The following ZNF423 variants were observed in gnomAD, a reference collection of about 807,000 sequenced individuals.
The protein encoded by ZNF423 is Ebf-associated zinc finger protein.
In ZNF423, 12 loss-of-function variants were observed where a neutral mutation model predicts 95.8. The ratio of observed to expected loss-of-function variants is 0.13; its 90% CI spans 0.08 to 0.20. The LOEUF (loss-of-function observed/expected upper bound fraction) is 0.20. Ranked by LOEUF, ZNF423 falls within the 10% of genes least tolerant of loss-of-function variation. The pLI is 1.00. For synonymous variants in ZNF423, 749 were observed against 711.9 expected, an observed-to-expected ratio of 1.05 and a Z score of -0.83; for missense variants, 1,316 against 1,737.1, an observed-to-expected ratio of 0.76 and a Z score of 4.31.
chr16:49,736,753 C>T (rs2033295979), intron 2 of ZNF423, among the ~76,000 whole-genome samples: 1 of 152,180 alleles, frequency 6.6e-6, no homozygotes. Flanking sequence ...CGTGTTCGCA[C>T]CACTGCACTC....
chr16:49,514,206 A>ACACG (rs1340945860), intron 7 of ZNF423, among the ~76,000 whole-genome samples: 1 of 54,146 alleles, frequency 1.8e-5, no homozygotes, highest in Non-Finnish European at 3.7e-5. Context: ...ACACACACAC[A>ACACG]CACACATGCA....
chr16:49,695,432 T>G (rs1000464566), intron 3 of ZNF423, among the ~76,000 whole-genome samples: 6 of 152,234 alleles, frequency 3.9e-5, no homozygotes, highest in African/African-American at 1.4e-4. Context: ...TAGCTGGGAT[T>G]ATAGGCATGC....
chr16:49,647,754 T>A (rs1973233765), intron 3 of ZNF423, among the ~76,000 whole-genome samples: 1 of 152,266 alleles, frequency 6.6e-6, no homozygotes, highest in Non-Finnish European at 1.5e-5. Flanking sequence ...CCCAGTGACA[T>A]CTGGGTCAGA....
rs1467188880 is a variant in ZNF423 at position 49,722,263 on chromosome 16, C to T, written c.301+8508G>A. 2.6e-5 allele frequency among the ~76,000 whole-genome samples: 4 copies of T among 152,152 alleles called. No individual in the cohort carries two copies. In the East Asian group the frequency reaches 5.8e-4, roughly 22 times the overall value. On this transcript the variant is annotated intron_variant, in intron 3 of 7. Transcript: ENST00000563137. ...AGCAGACCCAGGCTGGCCGGTGGTCCACCCTGCCCATCCACTTCCCTCCCA... is the reference window on the plus strand; with the variant it reads ...AGCAGACCCAGGCTGGCCGGTGGTCTACCCTGCCCATCCACTTCCCTCCCA...
intron 1 of ZNF423, among the ~76,000 whole-genome samples, chr16:49,821,550 G>T (rs187257449): frequency 9.2e-5 from 14 of 152,270 alleles, no homozygotes; most frequent in Admixed American, 2.0e-4. Context: ...GAAAAGTCCT[G>T]CTCTGTGACC....
intron 1 of ZNF423, among the ~76,000 whole-genome samples, chr16:49,792,187 C>A (rs2034427539): frequency 6.7e-6 from 1 of 149,696 alleles, no homozygotes; most frequent in African/African-American, 2.4e-5. Flanking sequence ...CTCCTCTGAC[C>A]TCTGTGCACC....
intron 1 of ZNF423, among the ~76,000 whole-genome samples, chr16:49,825,692 T>G (rs1218864792): frequency 6.6e-6 from 1 of 152,124 alleles, no homozygotes; most frequent in Non-Finnish European, 1.5e-5. Context: ...GGAATCTAGA[T>G]TGTAGTGGGT....
chr16:49,818,006 G>A (rs1456640144), intron 1 of ZNF423, among the ~76,000 whole-genome samples: 9 of 152,068 alleles, frequency 5.9e-5, no homozygotes, highest in Non-Finnish European at 8.8e-5. Context: ...CCTCCCCACT[G>A]CTGGGCATGG....
At chr16:49,495,433 G>A (rs1369974366) in intron 7 of ZNF423, among the ~76,000 whole-genome samples, 2 of 152,150 alleles carry the variant, frequency 1.3e-5, no homozygotes, top group Admixed American at 6.5e-5. Flanking sequence ...CCCTCTCTGT[G>A]CAAATCGTCA....
chr16:49,686,622 C>T lies in ZNF423; in HGVS notation c.301+44149G>A, dbSNP rs1276481406. 2.0e-5 allele frequency among the ~76,000 whole-genome samples: 3 copies of T among 152,090 alleles called. 1 individual carries two copies. The highest frequency in any genetic ancestry group is 7.2e-5 in the African/African-American group (3 of 41,426). On this transcript the variant is annotated intron_variant, in intron 3 of 7. Coordinates refer to ENST00000563137, the MANE Select transcript of ZNF423 (RefSeq NM_001379286.1). ...TGAGTGGCCTGGACGCTCCAATCAC[C>T]CCCTCTCCCACCACACCCAGGCTTC...
intron 5 of ZNF423, among the ~76,000 whole-genome samples, chr16:49,611,988 C>A (rs767189650): frequency 2.6e-4 from 39 of 152,004 alleles, no homozygotes; most frequent in Non-Finnish European, 4.3e-4. Flanking sequence ...AAATGGAATT[C>A]ATAATTTAAA....
chr16:49,650,473 A>G (rs1383806821), intron 3 of ZNF423, among the ~76,000 whole-genome samples: 1 of 152,254 alleles, frequency 6.6e-6, no homozygotes, highest in Non-Finnish European at 1.5e-5. Flanking sequence ...ATTATCATTC[A>G]TCGTAAATCC....
At chr16:49,811,851 G>C (rs1411301580) in intron 1 of ZNF423, among the ~76,000 whole-genome samples, 3 of 151,286 alleles carry the variant, frequency 2.0e-5, no homozygotes, top group Non-Finnish European at 4.4e-5. Flanking sequence ...GAACAGGGCA[G>C]CTGCCCTGAG....
At chr16:49,777,998 A>G (rs2034148498) in intron 2 of ZNF423, among the ~76,000 whole-genome samples, 1 of 152,260 alleles carries the variant, frequency 6.6e-6, no homozygotes, top group South Asian at 2.1e-4. Context: ...GTAGAATAGC[A>G]TAAGTAAAAT....
chr16:49,525,523 G>A (rs375283727), intron 5 of ZNF423, 29 bp from the exon 6 acceptor site: 8 of 1,613,114 alleles, frequency 5.0e-6, no homozygotes, highest in African/African-American at 2.7e-5. Flanking sequence ...ACCAGTCAGT[G>A]ACCAGCATGC....
chr16:49,636,448 G>T lies in ZNF423; in HGVS notation c.2728C>A (p.Gln910Lys). 6.2e-7 allele frequency: 1 copy of T among 1,613,484 alleles called. No homozygotes were observed. The highest frequency in any genetic ancestry group is 8.5e-7 in the Non-Finnish European group (1 of 1,180,018). ...TTGTGGTCCCGCAGCCGGTGATTCT[G>T]CAGCAGCACCTCCATGGTGTAGGCC... Reference protein sequence around the residue: ...GAAYTMEVLLQNHRLRDHNIR... With the variant: ...GAAYTMEVLLKNHRLRDHNIR... Residue 910 changes from glutamine to lysine, a missense_variant, in exon 4 of 8, where the codon CAG becomes AAG. This residue lies in a region of ZNF423 where 620 missense variants were observed against 775.6 expected (regional missense o/e 0.80). Transcript: ENST00000563137. This position sits in a 1 kb window ranked among gnomAD's most constrained non-coding sequence, Gnocchi z 8.6.
chr16:49,793,916 G>A (rs2034456047), intron 1 of ZNF423, among the ~76,000 whole-genome samples: 1 of 152,228 alleles, frequency 6.6e-6, no homozygotes, highest in Non-Finnish European at 1.5e-5. Flanking sequence ...TCTGCACACT[G>A]GGAGGGGTCC....
chr16:49,519,014 T>C (rs1175447019), intron 7 of ZNF423, among the ~76,000 whole-genome samples: 5 of 152,196 alleles, frequency 3.3e-5, no homozygotes, highest in African/African-American at 4.8e-5. Flanking sequence ...CAGTAAGCCA[T>C]GATCACACTC....
intron 5 of ZNF423, among the ~76,000 whole-genome samples, chr16:49,574,020 G>A (rs1455757737): frequency 6.6e-6 from 1 of 152,194 alleles, no homozygotes; most frequent in Non-Finnish European, 1.5e-5. Context: ...AGCCCCATTT[G>A]CCAGGTGATC....
Sources: gnomAD v4.1 joint callset for allele counts (sites outside exome capture counted in the v4.1 genomes callset) on GRCh38, gnomAD v4.1.1 for gene constraint, gnomAD v4.1.1 regional missense constraint, Gnocchi (gnomAD v3.1) non-coding constraint, MANE v1.5 for transcripts, NCBI Gene and HGNC (gene_info 2026-07-23, HGNC 2026-07-21) for gene names.